Variants in GPC6 observed in about 807,000 individuals in gnomAD.
GPC6 encodes the protein glypican-6.
In GPC6, 14 loss-of-function variants were observed where a neutral mutation model predicts 55.2. The observed-to-expected ratio is 0.25, with a 90% CI of 0.17 to 0.40. The LOEUF is 0.40. Ranked by LOEUF, GPC6 falls within the 10% of genes least tolerant of loss-of-function variation. The pLI is 1.00. For synonymous variants in GPC6, 278 were observed against 259.6 expected (o/e 1.07, Z -0.68); for missense variants, 641 against 708.5 (o/e 0.90, Z 1.08).
chr13:93,891,817 G>T (rs1875699867), intron 3 of GPC6, among the ~76,000 whole-genome samples: 1 of 151,864 alleles, frequency 6.6e-6, no homozygotes, highest in South Asian at 2.1e-4. Context: ...TAGTATATCT[G>T]TCATACACAT....
At chr13:93,543,865 A>T (rs539019614) in intron 1 of GPC6, among the ~76,000 whole-genome samples, 1 of 152,170 alleles carries the variant, frequency 6.6e-6, no homozygotes, top group Non-Finnish European at 1.5e-5. Flanking sequence ...TGCTATTTGT[A>T]GTCTTTTGAG....
At chr13:93,472,753 ACAG>A (rs908645841) in intron 1 of GPC6, among the ~76,000 whole-genome samples, 121 of 152,282 alleles carry the variant, frequency 7.9e-4, no homozygotes, top group African/African-American at 2.9e-3. Flanking sequence ...TGTTTGTGTT[ACAG>A]CCCTTTTAGC....
At chr13:94,187,187 C>T (rs1310543184) in intron 4 of GPC6, 3 of 152,136 alleles carry the variant, frequency 2.0e-5, no homozygotes, top group Non-Finnish European at 4.4e-5. Flanking sequence ...TGTGTATCCT[C>T]CCTCAAAAGA....
At chr13:93,246,480 T>A (rs1425099053) in intron 1 of GPC6, among the ~76,000 whole-genome samples, 1 of 152,038 alleles carries the variant, frequency 6.6e-6, no homozygotes, top group East Asian at 1.9e-4. Context: ...CACCTTGAAG[T>A]GTTCTAAAAA....
chr13:93,248,914 T>A (rs1255200214), intron 1 of GPC6, among the ~76,000 whole-genome samples: 1 of 152,326 alleles, frequency 6.6e-6, no homozygotes, highest in South Asian at 2.1e-4. Context: ...ATTCGAGGCC[T>A]GTTACCTTAA....
intron 4 of GPC6, among the ~76,000 whole-genome samples, chr13:94,082,098 C>A (rs1422267571): frequency 6.6e-6 from 1 of 152,084 alleles, no homozygotes; most frequent in Non-Finnish European, 1.5e-5. Flanking sequence ...GCCTCGGCCT[C>A]CCAAAGTGCT....
chr13:94,203,383 G>A (rs183189924), intron 4 of GPC6, among the ~76,000 whole-genome samples: 39 of 151,870 alleles, frequency 2.6e-4, no homozygotes, highest in South Asian at 8.3e-4. Flanking sequence ...ATCACTGAAC[G>A]AATACATTTA....
At chr13:93,862,128 TA>T (rs2139027490) in intron 3 of GPC6, among the ~76,000 whole-genome samples, 1 of 151,762 alleles carries the variant, frequency 6.6e-6, no homozygotes, top group East Asian at 2.0e-4. Flanking sequence ...GACAGCACAG[TA>T]AAAGCAATGT....
chr13:94,372,228 A>C (rs1436881370), intron 6 of GPC6, among the ~76,000 whole-genome samples: 3 of 152,170 alleles, frequency 2.0e-5, no homozygotes, highest in Admixed American at 6.5e-5. Context: ...GCCGAATAGG[A>C]ACAGCTCCAG....
chr13:93,770,746 ACT>A (rs1431855589), intron 2 of GPC6, among the ~76,000 whole-genome samples: 1 of 151,708 alleles, frequency 6.6e-6, no homozygotes, highest in African/African-American at 2.4e-5. Context: ...CAACCCTGCA[ACT>A]CTCTATCTAG....
chr13:93,797,983 G>T (rs758585096), intron 2 of GPC6, among the ~76,000 whole-genome samples: 5 of 152,190 alleles, frequency 3.3e-5, no homozygotes, highest in African/African-American at 1.2e-4. Flanking sequence ...GTGAGGTTCT[G>T]AGGGACGGAA....
intron 3 of GPC6, among the ~76,000 whole-genome samples, chr13:94,020,254 C>T (rs148308259): frequency 5.3e-5 from 8 of 152,148 alleles, no homozygotes; most frequent in Non-Finnish European, 1.0e-4. Flanking sequence ...TTGTATGAAA[C>T]GTATGTGGTT....
At chr13:93,561,701 C>T (rs1875821854) in intron 2 of GPC6, among the ~76,000 whole-genome samples, 1 of 152,016 alleles carries the variant, frequency 6.6e-6, no homozygotes, top group Non-Finnish European at 1.5e-5. Context: ...ATTCCCCCAA[C>T]CCCCAGTTGG....
intron 1 of GPC6, among the ~76,000 whole-genome samples, chr13:93,436,544 G>A (rs1459057588): frequency 6.6e-6 from 1 of 152,070 alleles, no homozygotes; most frequent in Non-Finnish European, 1.5e-5. Flanking sequence ...GAGCTCCAAG[G>A]CATAAACAGA....
intron 4 of GPC6, among the ~76,000 whole-genome samples, chr13:94,263,564 T>C (rs1054634608): frequency 2.0e-5 from 3 of 152,208 alleles, no homozygotes; most frequent in Admixed American, 2.0e-4. Flanking sequence ...AAAATGGCTC[T>C]TCCCTCTCAT....
intron 2 of GPC6, among the ~76,000 whole-genome samples, chr13:93,691,832 A>G (rs72641698): frequency 2.4e-3 from 370 of 152,198 alleles, no homozygotes; most frequent in Non-Finnish European, 4.1e-3. Flanking sequence ...TAACTTGTTC[A>G]GTAATCAAAA....
chr13:94,103,541 A>G (rs1411142263), intron 4 of GPC6, among the ~76,000 whole-genome samples: 1 of 152,176 alleles, frequency 6.6e-6, no homozygotes, highest in Non-Finnish European at 1.5e-5. Context: ...CATCCTCTCC[A>G]GCACCTGTTG....
intron 1 of GPC6, among the ~76,000 whole-genome samples, chr13:93,404,218 G>T (rs1399061598): frequency 2.0e-5 from 3 of 152,006 alleles, no homozygotes. Context: ...CAACTATAAC[G>T]AAGACTGGAG....
chr13:93,731,953 C>T (rs1436538320), intron 2 of GPC6, among the ~76,000 whole-genome samples: 3 of 152,130 alleles, frequency 2.0e-5, no homozygotes, highest in Admixed American at 2.0e-4. Flanking sequence ...ATACAATATT[C>T]TTCATCTCTG....
Sources: gnomAD v4.1 joint callset for allele counts (sites outside exome capture counted in the v4.1 genomes callset) on GRCh38, gnomAD v4.1.1 for gene constraint, MANE v1.5 for transcripts, NCBI Gene and HGNC (gene_info 2026-07-23, HGNC 2026-07-21) for gene names.